RSF1: variants seen among roughly 807,000 people sequenced by gnomAD.
RSF1 encodes remodeling and spacing factor 1.
Under a neutral mutation model 145.2 loss-of-function variants are expected in RSF1, and 13 were observed. That is an observed-to-expected ratio of 0.09 (90% CI 0.06 to 0.14). The LOEUF is 0.14. RSF1 is among the 10% of genes least tolerant of loss of function. The probability of loss-of-function intolerance (pLI) is 1.00; values close to 1 mark genes in which losing one functional copy is unlikely to be tolerated. For missense variants in RSF1, 1,517 were observed against 1,718.2 expected (o/e 0.88, Z 2.07); for synonymous variants, 577 against 592.6 (o/e 0.97, Z 0.38).
chr11:77,672,414 T>C (rs1265613280), intron 14 of RSF1, among the ~76,000 whole-genome samples, 184 bp from the exon 15 acceptor site: 1 of 152,160 alleles, frequency 6.6e-6, no homozygotes, highest in Non-Finnish European at 1.5e-5. Flanking sequence ...TGGAGTGCAG[T>C]GGCATGAACA....
intron 1 of RSF1, among the ~76,000 whole-genome samples, chr11:77,809,203 A>G (rs1196864887): frequency 6.6e-6 from 1 of 152,240 alleles, no homozygotes; most frequent in Non-Finnish European, 1.5e-5. Context: ...GAAAATAATG[A>G]CACTATAAAT....
intron 5 of RSF1, among the ~76,000 whole-genome samples, chr11:77,724,802 G>A (rs1278780582): frequency 6.6e-6 from 1 of 152,138 alleles, no homozygotes; most frequent in African/African-American, 2.4e-5. Flanking sequence ...GATCTGACAG[G>A]AGGTGGAGCT....
intron 1 of RSF1, among the ~76,000 whole-genome samples, chr11:77,799,524 A>G (rs1948606803): frequency 6.7e-6 from 1 of 150,210 alleles, no homozygotes. Flanking sequence ...AAAAAAAAGC[A>G]AAGGATATGA....
At chr11:77,740,552 C>T (rs772066067) in intron 4 of RSF1, among the ~76,000 whole-genome samples, 179 bp downstream of exon 4, 3 of 151,876 alleles carry the variant, frequency 2.0e-5, no homozygotes, top group Admixed American at 6.6e-5. Context: ...ATTTACTTGA[C>T]GAATAAAAAA....
rs764139324 is a variant in RSF1, at chr11:77,693,471, C to T, written c.2820+36G>A. 6 of 1,337,796 alleles carry T rather than the reference C, an allele frequency of 4.5e-6. No individual in the cohort carries two copies. In the Admixed American group the frequency reaches 6.8e-5, roughly 15 times the overall value. The allele number at this position is 1,337,796 out of a possible 1,614,324, so 82.9% of individuals were successfully genotyped here. ...AAACAGTTATTAATTTGAATACAAA[C>T]TCAAAGACTAGAAAAACAAGTGGGC... On this transcript the variant is annotated intron_variant, in intron 8 of 15. Transcript: ENST00000308488.
At chr11:77,795,815 T>C (rs1487228191) in intron 1 of RSF1, among the ~76,000 whole-genome samples, 5 of 152,332 alleles carry the variant, frequency 3.3e-5, no homozygotes, top group Admixed American at 1.3e-4. Flanking sequence ...AGAAGAGCTC[T>C]GGTAGAATTC....
the RSF1 span, among the ~76,000 whole-genome samples, chr11:77,832,515 A>G: frequency 6.6e-6 from 1 of 151,946 alleles, no homozygotes; most frequent in Admixed American, 6.6e-5. Flanking sequence ...TAGCAGAGGC[A>G]GGGTTTCTCC....
chr11:77,870,503 A>T, the RSF1 span, among the ~76,000 whole-genome samples: 1 of 150,710 alleles, frequency 6.6e-6, no homozygotes, highest in Non-Finnish European at 1.5e-5. Flanking sequence ...CGCCTGGCTA[A>T]TTTTTTTGTA....
intron 5 of RSF1, among the ~76,000 whole-genome samples, chr11:77,711,407 C>T (rs898546594): frequency 2.0e-5 from 3 of 152,088 alleles, no homozygotes; most frequent in Non-Finnish European, 2.9e-5. Flanking sequence ...CAGTGGCTCA[C>T]GCCTGTAATC....
chr11:77,698,785 G>T, intron 6 of RSF1, 92 bp from the exon 7 acceptor site: 1 of 1,057,884 alleles, frequency 9.5e-7, no homozygotes, highest in Non-Finnish European at 1.4e-6. Flanking sequence ...ATAATATTCA[G>T]CCAATATACC....
At position 77,666,372 on chromosome 11, in the gene RSF1, T is replaced by C. The variant is rs945853207; in HGVS notation, c.*545A>G. 6.6e-6 allele frequency: 1 copy of C among 152,634 alleles called. No homozygotes were observed. Among genetic ancestry groups the C allele is most frequent in the African/African-American group, 2.4e-5 (1 of 41,456 alleles). The allele number at this position is 152,634 out of a possible 1,614,324, so 9.5% of individuals were successfully genotyped here. ...GTAAACAAGTTCATTTCACAAAGGC[T>C]GTTACTAAATGACTTATGTATGATG... On this transcript the variant is annotated 3_prime_UTR_variant, in exon 16 of 16. Coordinates refer to ENST00000308488, the MANE Select transcript of RSF1 (RefSeq NM_016578.4).
At chr11:77,732,896 A>G (rs1961242423) in intron 4 of RSF1, among the ~76,000 whole-genome samples, 1 of 152,210 alleles carries the variant, frequency 6.6e-6, no homozygotes, top group Non-Finnish European at 1.5e-5. Flanking sequence ...ACTTATCACA[A>G]ATGGAATCAA....
chr11:77,857,237 A>G, the RSF1 span, among the ~76,000 whole-genome samples: 5 of 152,216 alleles, frequency 3.3e-5, no homozygotes, highest in African/African-American at 1.2e-4. Context: ...AGAGGAAGGA[A>G]TACCTAAGAC....
chr11:77,760,892 A>G (rs1948164213), intron 2 of RSF1, among the ~76,000 whole-genome samples: 1 of 152,128 alleles, frequency 6.6e-6, no homozygotes, highest in Admixed American at 6.6e-5. Flanking sequence ...ACACCCCAGA[A>G]AAGACACACT....
the RSF1 span, chr11:77,868,643 CT>C: frequency 3.1e-3 from 461 of 146,674 alleles, 1 homozygote; most frequent in East Asian, 7.4e-3. Flanking sequence ...ACCTGGCCAC[CT>C]TTTTTTTTTT....
chr11:77,668,221 C>T (rs536667927), intron 15 of RSF1, among the ~76,000 whole-genome samples: 3 of 152,224 alleles, frequency 2.0e-5, no homozygotes, highest in East Asian at 1.9e-4. Flanking sequence ...AGACTGATCT[C>T]GAACTCCTGG....
chr11:77,845,939 TC>T, the RSF1 span, among the ~76,000 whole-genome samples: 3 of 152,266 alleles, frequency 2.0e-5, no homozygotes, highest in African/African-American at 7.2e-5. Context: ...TTTCCCCCAA[TC>T]CCCATATGGA....
intron 1 of RSF1, among the ~76,000 whole-genome samples, chr11:77,782,317 G>A (rs966440643): frequency 6.6e-6 from 1 of 152,164 alleles, no homozygotes; most frequent in Non-Finnish European, 1.5e-5. Flanking sequence ...GAGGCAGGCA[G>A]ATCACTTTTG....
rs1404261237 is a variant in RSF1 at position 77,663,810 on chromosome 11, C to G, written c.*3107G>C. 1 of 152,142 alleles carries G rather than the reference C, an allele frequency of 6.6e-6. No homozygotes were observed. Among genetic ancestry groups the G allele is most frequent in the African/African-American group, 2.4e-5 (1 of 41,444 alleles). The allele number at this position is 152,142 out of a possible 1,614,324, so 9.4% of individuals were successfully genotyped here. On this transcript the variant is annotated 3_prime_UTR_variant, in exon 16 of 16. Transcript: ENST00000308488. The stretch of plus-strand genomic sequence containing the variant: ...GTGAAAAGCTGACTAGTTTTCAAAC[C>G]TTTTCAGAAATTGCAAACTAAATAT...
Sources: allele counts gnomAD v4.1 joint callset (sites outside exome capture counted in the v4.1 genomes callset), GRCh38; gene constraint gnomAD v4.1.1; transcripts MANE v1.5; gene names NCBI Gene and HGNC (gene_info 2026-07-23, HGNC 2026-07-21).